TENM2: variants seen among roughly 807,000 people sequenced by gnomAD.
TENM2 encodes the protein teneurin transmembrane protein 2, also known as teneurin-2.
Under a neutral mutation model 245.2 loss-of-function variants are expected in TENM2, and 52 were observed. The ratio of observed to expected loss-of-function variants is 0.21; its 90% confidence interval spans 0.17 to 0.27. TENM2 has a LOEUF of 0.27. Among genes scored for constraint, TENM2 ranks in the 10% least tolerant of loss-of-function variants. The pLI is 1.00. For synonymous variants in TENM2, 1,363 were observed against 1,438.9 expected, an observed-to-expected ratio of 0.95 and a Z score of 1.19; for missense variants, 3,046 against 3,666.8, an observed-to-expected ratio of 0.83 and a Z score of 4.37.
chr5:167,652,074 C>T (rs1436678560), intron 2 of TENM2, among the ~76,000 whole-genome samples: 3 of 152,116 alleles, frequency 2.0e-5, no homozygotes, highest in African/African-American at 4.8e-5. Context: ...ATCTTATGCT[C>T]TTCTTTTCAG....
chr5:168,049,872 G>A (rs988570793), intron 6 of TENM2, among the ~76,000 whole-genome samples: 6 of 152,078 alleles, frequency 3.9e-5, no homozygotes, highest in Non-Finnish European at 7.4e-5. Context: ...ATGCAATCTC[G>A]GCTCACTGCA....
At chr5:168,254,680 T>C (rs112462921) in intron 27 of TENM2, among the ~76,000 whole-genome samples, 23 of 152,118 alleles carry the variant, frequency 1.5e-4, no homozygotes, top group African/African-American at 5.6e-4. Flanking sequence ...TTTCACCTCC[T>C]CAAGGGATCC....
chr5:168,058,029 C>T (rs552540563), intron 6 of TENM2, among the ~76,000 whole-genome samples: 2 of 152,230 alleles, frequency 1.3e-5, no homozygotes, highest in South Asian at 4.1e-4. Flanking sequence ...ATAGTGGCTC[C>T]CAGCCAAGCA....
At chr5:167,507,546 A>T (rs992274986) in intron 2 of TENM2, among the ~76,000 whole-genome samples, 1 of 152,150 alleles carries the variant, frequency 6.6e-6, no homozygotes, top group African/African-American at 2.4e-5. Flanking sequence ...CACACCTTCA[A>T]TTCGAGATGA....
chr5:168,241,336 A>G (rs1044551752), intron 25 of TENM2, among the ~76,000 whole-genome samples: 4 of 150,860 alleles, frequency 2.7e-5, no homozygotes, highest in African/African-American at 4.9e-5. Flanking sequence ...GCTCACTGCA[A>G]CCTCCACCTC....
intron 3 of TENM2, among the ~76,000 whole-genome samples, chr5:167,902,432 T>C (rs1027228732): frequency 3.3e-5 from 5 of 152,178 alleles, no homozygotes; most frequent in African/African-American, 1.2e-4. Flanking sequence ...TACCTTACTC[T>C]TCTCAAGATC....
At chr5:167,876,181 A>T (rs931079896) in exon 3 of TENM2, 1 of 1,551,412 alleles carries the variant, frequency 6.4e-7, no homozygotes, top group Non-Finnish European at 8.7e-7. Flanking sequence ...GGGCCCCAGC[A>T]AGCCTCCAGC....
In TENM2 at chr5:168,025,322, A is replaced by C. The variant is rs570584605; in HGVS notation, c.1187-22105A>C. Among the ~76,000 whole-genome samples the C allele has an allele frequency of 7.2e-5, 11 of 152,366 alleles. No individual in the cohort carries two copies. The East Asian group carries it at 2.1e-3, about 29-fold the overall frequency. On this transcript the variant is annotated intron_variant, in intron 5 of 28. Transcript: ENST00000518659. ...GCTAATGGCATGATTTGTTTAAAAG[A>C]AAAGATTCATTAAAAGTTTTGAGAA...
chr5:168,187,066 G>GA (rs768662709), intron 13 of TENM2: 7 of 152,210 alleles, frequency 4.6e-5, no homozygotes, highest in Non-Finnish European at 5.9e-5. Context: ...ATAACGGGTA[G>GA]AACCCCAAAT....
intron 1 of TENM2, among the ~76,000 whole-genome samples, chr5:167,362,682 T>C (rs556093704): frequency 1.3e-5 from 2 of 152,368 alleles, no homozygotes; most frequent in African/African-American, 4.8e-5. Context: ...TGATATATCA[T>C]ACTTTTTGTA....
At chr5:167,877,340 G>A (rs75314766) in intron 3 of TENM2, among the ~76,000 whole-genome samples, 1,935 of 152,234 alleles carry the variant, frequency 0.013, 21 homozygotes, top group Non-Finnish European at 0.021. Context: ...ACTTAGGATG[G>A]CCCATGCCCT....
intron 2 of TENM2, among the ~76,000 whole-genome samples, chr5:167,793,281 T>C (rs1765104326): frequency 1.3e-5 from 2 of 152,156 alleles, no homozygotes; most frequent in African/African-American, 4.8e-5. Flanking sequence ...GCTTCTATTT[T>C]CTCATCTGTA....
chr5:167,245,124 A>C, the TENM2 span, among the ~76,000 whole-genome samples: 1 of 152,090 alleles, frequency 6.6e-6, no homozygotes, highest in South Asian at 2.1e-4. Context: ...TCCTTCCTCA[A>C]ATGTACATTA....
chr5:167,551,982 T>A (rs114329017), intron 2 of TENM2, among the ~76,000 whole-genome samples: 1,800 of 152,300 alleles, frequency 0.012, 21 homozygotes, highest in African/African-American at 0.026. Context: ...TCCTTGGCAA[T>A]TGTTCTCAAA....
intron 5 of TENM2, among the ~76,000 whole-genome samples, chr5:167,995,220 A>G (rs1177227553): frequency 6.6e-6 from 1 of 152,192 alleles, no homozygotes. Context: ...TAGTTAAAGT[A>G]GAATAGCTTC....
chr5:167,113,229 A>G, the TENM2 span, among the ~76,000 whole-genome samples: 4 of 152,166 alleles, frequency 2.6e-5, no homozygotes, highest in African/African-American at 9.7e-5. Flanking sequence ...GTTATTTGGG[A>G]GAAAAGGAGT....
intron 1 of TENM2, among the ~76,000 whole-genome samples, chr5:167,288,843 G>A: frequency 6.6e-6 from 1 of 152,254 alleles, no homozygotes; most frequent in Middle Eastern, 3.4e-3. Context: ...GTTTCATCAC[G>A]TCCCAAAAAA....
intron 2 of TENM2, among the ~76,000 whole-genome samples, chr5:167,577,062 G>A (rs1256536249): frequency 3.3e-5 from 5 of 152,164 alleles, no homozygotes; most frequent in African/African-American, 1.2e-4. Flanking sequence ...ACCCACGCTG[G>A]AACTGCTCTG....
intron 2 of TENM2, among the ~76,000 whole-genome samples, chr5:167,628,197 C>T (rs1180393669): frequency 2.0e-5 from 3 of 152,140 alleles, no homozygotes; most frequent in South Asian, 2.1e-4. Flanking sequence ...GGTCTTCAGC[C>T]CTCTTCTGTC....
Sources: gnomAD v4.1 joint callset for allele counts (sites outside exome capture counted in the v4.1 genomes callset) on GRCh38, gnomAD v4.1.1 for gene constraint, MANE v1.5 for transcripts, NCBI Gene and HGNC (gene_info 2026-07-23, HGNC 2026-07-21) for gene names.